SCAPER: variants seen among roughly 807,000 people sequenced by gnomAD.
SCAPER encodes S phase cyclin A-associated protein in the endoplasmic reticulum.
Under a neutral mutation model 182.2 loss-of-function variants are expected in SCAPER, and 98 were observed. That is an observed-to-expected ratio of 0.54 (90% CI 0.46 to 0.64). SCAPER has a LOEUF of 0.64. Ranked by LOEUF, SCAPER falls within the 30% of genes least tolerant of loss-of-function variation. The pLI is 0.00. For synonymous variants in SCAPER, 605 were observed against 564.6 expected, an observed-to-expected ratio of 1.07 and a Z score of -1.01; for missense variants, 1,432 against 1,690.0, an observed-to-expected ratio of 0.85 and a Z score of 2.68.
chr15:76,570,034 T>C (rs1309152040), intron 23 of SCAPER, among the ~76,000 whole-genome samples: 1 of 152,172 alleles, frequency 6.6e-6, no homozygotes, highest in African/African-American at 2.4e-5. Flanking sequence ...GAAATTTATT[T>C]TGTTGAGATA....
At position 76,664,149 on chromosome 15, in the gene SCAPER, C is replaced by A. The variant is rs114369675; in HGVS notation, c.2645+1504G>T. Among the ~76,000 whole-genome samples the A allele has an allele frequency of 8.3e-3, 1,265 of 152,236 alleles. 16 individuals carry two copies. The highest frequency in any genetic ancestry group is 0.029 in the African/African-American group (1,215 of 41,542). ...AACTATAAAATCCTTGAGGTTTTGA[C>A]AAGAGCAGCGACAGGCTGTGACTTA... On this transcript the variant is annotated intron_variant, in intron 21 of 31. Transcript: ENST00000563290.
At chr15:76,857,289 C>A (rs190820608) in intron 4 of SCAPER, among the ~76,000 whole-genome samples, 1 of 151,848 alleles carries the variant, frequency 6.6e-6, no homozygotes, top group Non-Finnish European at 1.5e-5. Flanking sequence ...AAAAATTAGC[C>A]GGGCATGGTG....
At chr15:76,564,092 T>G (rs182238932) in intron 23 of SCAPER, among the ~76,000 whole-genome samples, 1 of 152,132 alleles carries the variant, frequency 6.6e-6, no homozygotes, top group East Asian at 1.9e-4. Context: ...AACTTTATCC[T>G]TGAAAGCCGG....
intron 24 of SCAPER, among the ~76,000 whole-genome samples, chr15:76,486,540 G>A (rs2051668925): frequency 6.6e-6 from 1 of 151,934 alleles, no homozygotes. Flanking sequence ...TAAAAAGTAG[G>A]CGAAGGACAT....
chr15:76,579,377 TAAAATGTA>T (rs1330881058), intron 22 of SCAPER, among the ~76,000 whole-genome samples: 1 of 151,440 alleles, frequency 6.6e-6, no homozygotes, highest in Non-Finnish European at 1.5e-5. Flanking sequence ...GGGATGAAGT[TAAAATGTA>T]AAGTTTTTAT....
intron 24 of SCAPER, among the ~76,000 whole-genome samples, chr15:76,472,810 G>A (rs1596846311): frequency 6.6e-6 from 1 of 152,200 alleles, no homozygotes; most frequent in East Asian, 1.9e-4. Context: ...ACTCCCAGGA[G>A]GAGGGATTCC....
In SCAPER at chr15:76,777,915, T is replaced by C. The variant is rs1027023081; in HGVS notation, c.773-2798A>G. Among the ~76,000 whole-genome samples, 7 of 152,134 alleles carry C rather than the reference T, an allele frequency of 4.6e-5. No homozygotes were observed. In the South Asian group the frequency reaches 1.5e-3, roughly 32 times the overall value. ...CATAACTAGCCTAGACTACCTTAAA[T>C]ATGCTGAGAACACTAAGAGCCTACA... On this transcript the variant is annotated intron_variant, in intron 8 of 31. Coordinates refer to ENST00000563290, the MANE Select transcript of SCAPER (RefSeq NM_020843.4).
chr15:76,902,273 C>T (rs556267686), intron 1 of SCAPER, among the ~76,000 whole-genome samples: 2 of 151,614 alleles, frequency 1.3e-5, no homozygotes, highest in African/African-American at 4.8e-5. Context: ...TGTGTTCTCT[C>T]TTATAAGTGG....
chr15:76,544,827 C>A (rs530028650), intron 23 of SCAPER, among the ~76,000 whole-genome samples: 7 of 152,112 alleles, frequency 4.6e-5, no homozygotes, highest in Non-Finnish European at 8.8e-5. Flanking sequence ...TGAATTAAAT[C>A]TCTTTAAGGT....
chr15:76,689,942 C>T (rs558504054), intron 20 of SCAPER, among the ~76,000 whole-genome samples: 2 of 123,496 alleles, frequency 1.6e-5, no homozygotes, highest in Non-Finnish European at 3.4e-5. Context: ...AAAAAAAGTC[C>T]ATCTGATATA....
intron 23 of SCAPER, among the ~76,000 whole-genome samples, chr15:76,516,377 C>T (rs2042423389): frequency 6.6e-6 from 1 of 150,396 alleles, no homozygotes; most frequent in Non-Finnish European, 1.5e-5. Context: ...CCCCCCACCC[C>T]ACCCCCGCAA....
At chr15:76,454,086 T>A (rs763851905) in intron 25 of SCAPER, among the ~76,000 whole-genome samples, 1 of 152,246 alleles carries the variant, frequency 6.6e-6, no homozygotes, top group Non-Finnish European at 1.5e-5. Context: ...TCCCTACTTA[T>A]GTCACCGGCT....
chr15:76,709,414 A>G (rs2059445295), intron 17 of SCAPER, among the ~76,000 whole-genome samples: 1 of 152,134 alleles, frequency 6.6e-6, no homozygotes, highest in Non-Finnish European at 1.5e-5. Context: ...GATTACAGAC[A>G]TGAGCCACCG....
chr15:76,716,838 G>T (rs1375910061), intron 17 of SCAPER, among the ~76,000 whole-genome samples: 1 of 151,950 alleles, frequency 6.6e-6, no homozygotes, highest in African/African-American at 2.4e-5. Flanking sequence ...GGAAGAAACA[G>T]AAAAGGTTTA....
intron 17 of SCAPER, among the ~76,000 whole-genome samples, chr15:76,720,838 T>C (rs1012515961): frequency 6.6e-6 from 1 of 152,228 alleles, no homozygotes; most frequent in South Asian, 2.1e-4. Flanking sequence ...CTTTGTCAGA[T>C]GAGTAGGTTG....
intron 31 of SCAPER, chr15:76,351,012 G>A (rs2040507014): frequency 1.2e-5 from 5 of 408,746 alleles, no homozygotes; most frequent in Non-Finnish European, 1.7e-5. Flanking sequence ...AGATATTTGT[G>A]CTTTTCTTTT....
chr15:76,539,827 G>A (rs940239041), intron 23 of SCAPER, among the ~76,000 whole-genome samples: 13 of 152,160 alleles, frequency 8.5e-5, no homozygotes, highest in Non-Finnish European at 1.8e-4. Context: ...TTACAGGCGT[G>A]AGCCACTGCG....
In SCAPER at chr15:76,600,387, ATGTGTGTGTGTGTGTG is replaced by A. The variant is rs60494575; in HGVS notation, c.2711+21361_2711+21376del. ...TAGCATACTTGGAAAGTGTGTGTAT[ATGTGTGTGTGTGTGTG>A]TGTGTGTGTGTGTGTGTGTGTGTGT... On this transcript the variant is annotated intron_variant, in intron 22 of 31. Transcript: ENST00000563290. Among the ~76,000 whole-genome samples the A allele has an allele frequency of 3.3e-4, 29 of 88,718 alleles. 3 individuals carry two copies. The highest frequency in any genetic ancestry group is 6.5e-4 in the African/African-American group (21 of 32,300). The allele number at this position is 88,718 out of a possible 152,430, so 58.2% of individuals were successfully genotyped here.
At chr15:76,604,378 G>A (rs1052691713) in intron 22 of SCAPER, among the ~76,000 whole-genome samples, 2 of 119,964 alleles carry the variant, frequency 1.7e-5, no homozygotes, top group African/African-American at 5.1e-5. Context: ...TGTTCCATTG[G>A]TCTATATCTC....
Sources: allele counts gnomAD v4.1 joint callset (sites outside exome capture counted in the v4.1 genomes callset), GRCh38; gene constraint gnomAD v4.1.1; transcripts MANE v1.5; gene names NCBI Gene and HGNC (gene_info 2026-07-23, HGNC 2026-07-21).